LRRC4C: variants seen among roughly 807,000 people sequenced by gnomAD.
The protein encoded by LRRC4C is leucine-rich repeat-containing protein 4C.
In LRRC4C, 5 loss-of-function variants were observed where a neutral mutation model predicts 33.6. That is an observed-to-expected ratio of 0.15 (90% CI 0.08 to 0.31). The LOEUF is 0.31. LRRC4C is among the 10% of genes least tolerant of loss of function. The pLI is 1.00. For missense variants in LRRC4C, 560 were observed against 796.7 expected, an observed-to-expected ratio of 0.70 and a Z score of 3.58; for synonymous variants, 329 against 302.0, an observed-to-expected ratio of 1.09 and a Z score of -0.93.
intron 1 of LRRC4C, among the ~76,000 whole-genome samples, chr11:41,311,185 A>G (rs1407646689): frequency 6.6e-6 from 1 of 152,110 alleles, no homozygotes; most frequent in Non-Finnish European, 1.5e-5. Flanking sequence ...CGTGCATTAG[A>G]ACCACATTTT....
chr11:41,282,615 G>C (rs1366179528), intron 1 of LRRC4C, among the ~76,000 whole-genome samples: 2 of 152,142 alleles, frequency 1.3e-5, no homozygotes, highest in Non-Finnish European at 1.5e-5. Flanking sequence ...ATGTCTGCCC[G>C]GGGTGTGGAT....
intron 3 of LRRC4C, among the ~76,000 whole-genome samples, chr11:40,629,204 A>AAT (rs1963246519): frequency 6.6e-6 from 1 of 152,136 alleles, no homozygotes; most frequent in South Asian, 2.1e-4. Context: ...CTAATATTCA[A>AAT]TTTGTTGAAA....
At chr11:40,892,775 C>T (rs915702239) in intron 2 of LRRC4C, among the ~76,000 whole-genome samples, 47 of 152,154 alleles carry the variant, frequency 3.1e-4, no homozygotes, top group Admixed American at 9.8e-4. Flanking sequence ...AGGTTACCAG[C>T]GGCTGGGGGC....
chr11:40,424,444 A>G (rs1010182521), intron 3 of LRRC4C, among the ~76,000 whole-genome samples: 1 of 152,216 alleles, frequency 6.6e-6, no homozygotes, highest in African/African-American at 2.4e-5. Flanking sequence ...GCCTCATGAA[A>G]TAAGAATTGT....
intron 3 of LRRC4C, among the ~76,000 whole-genome samples, chr11:40,414,193 C>T (rs1950246183): frequency 6.6e-6 from 1 of 152,016 alleles, no homozygotes; most frequent in Non-Finnish European, 1.5e-5. Context: ...GACTGGATGG[C>T]TTCCTTTAAA....
intron 3 of LRRC4C, among the ~76,000 whole-genome samples, chr11:40,553,436 G>A (rs1183810850): frequency 6.6e-6 from 1 of 152,040 alleles, no homozygotes; most frequent in African/African-American, 2.4e-5. Flanking sequence ...GATTATTGAG[G>A]TAACATAATT....
chr11:41,036,838 A>G (rs866053961), intron 1 of LRRC4C, among the ~76,000 whole-genome samples: 2 of 152,232 alleles, frequency 1.3e-5, no homozygotes, highest in African/African-American at 4.8e-5. Flanking sequence ...ATACACAATT[A>G]GATTTTTCAC....
intron 1 of LRRC4C, among the ~76,000 whole-genome samples, chr11:41,306,037 A>AGAAAG (rs35648813): frequency 2.1e-5 from 3 of 144,830 alleles, no homozygotes; most frequent in Non-Finnish European, 4.5e-5. Flanking sequence ...AAAAAAAAAA[A>AGAAAG]AAAGAAAGAA....
At chr11:40,415,909 G>T (rs1032146355) in intron 3 of LRRC4C, among the ~76,000 whole-genome samples, 1 of 152,136 alleles carries the variant, frequency 6.6e-6, no homozygotes, top group African/African-American at 2.4e-5. Flanking sequence ...AAATGCATAC[G>T]CATGTATGAG....
At chr11:41,328,211 T>C (rs1401489579) in intron 1 of LRRC4C, among the ~76,000 whole-genome samples, 3 of 152,068 alleles carry the variant, frequency 2.0e-5, no homozygotes, top group East Asian at 1.9e-4. Context: ...AGTATTACAA[T>C]CTCTATAGGC....
chr11:40,533,877 T>C (rs1005080457), intron 3 of LRRC4C, among the ~76,000 whole-genome samples: 3 of 152,244 alleles, frequency 2.0e-5, no homozygotes, highest in East Asian at 1.9e-4. Context: ...TTTGAGACTC[T>C]CCTCCTTCAA....
chr11:41,103,089 C>T (rs1941293639), intron 1 of LRRC4C, among the ~76,000 whole-genome samples: 1 of 151,868 alleles, frequency 6.6e-6, no homozygotes, highest in African/African-American at 2.4e-5. Flanking sequence ...TATGTATACT[C>T]TACCATCTGA....
At chr11:41,454,239 A>G (rs1470317520) in intron 1 of LRRC4C, among the ~76,000 whole-genome samples, 1 of 152,152 alleles carries the variant, frequency 6.6e-6, no homozygotes, top group Non-Finnish European at 1.5e-5. Context: ...AAGGCTTTTT[A>G]CATCTTTTCT....
chr11:41,141,356 C>T (rs968854001), intron 1 of LRRC4C, among the ~76,000 whole-genome samples: 1 of 151,822 alleles, frequency 6.6e-6, no homozygotes, highest in Non-Finnish European at 1.5e-5. Flanking sequence ...ACACATAGAG[C>T]CCTGACTAAA....
intron 1 of LRRC4C, among the ~76,000 whole-genome samples, chr11:41,411,457 AC>A (rs1215097993): frequency 1.3e-5 from 2 of 151,958 alleles, no homozygotes; most frequent in Admixed American, 6.6e-5. Flanking sequence ...CTTGGTTGGT[AC>A]CCTATTGGAT....
At chr11:40,506,829 G>A (rs931894064) in intron 3 of LRRC4C, among the ~76,000 whole-genome samples, 13 of 151,922 alleles carry the variant, frequency 8.6e-5, no homozygotes, top group Non-Finnish European at 8.8e-5. Context: ...GAAACATTTA[G>A]AAAAATTTAT....
At chr11:41,047,128 T>C (rs1311078276) in intron 1 of LRRC4C, among the ~76,000 whole-genome samples, 2 of 152,094 alleles carry the variant, frequency 1.3e-5, no homozygotes, top group Non-Finnish European at 2.9e-5. Flanking sequence ...AATAAGGATC[T>C]TGAAGTCCAA....
At chr11:41,206,349 T>A (rs1488865005) in intron 1 of LRRC4C, among the ~76,000 whole-genome samples, 3 of 152,150 alleles carry the variant, frequency 2.0e-5, no homozygotes, top group African/African-American at 4.8e-5. Flanking sequence ...TAGGATATCT[T>A]CTGAAAAATT....
At chr11:40,556,095 CT>C (rs1957322932) in intron 3 of LRRC4C, among the ~76,000 whole-genome samples, 1 of 152,098 alleles carries the variant, frequency 6.6e-6, no homozygotes, top group Admixed American at 6.5e-5. Flanking sequence ...GATTTATCAT[CT>C]CCATAATAAG....
Sources: gnomAD v4.1 joint callset for allele counts (sites outside exome capture counted in the v4.1 genomes callset) on GRCh38, gnomAD v4.1.1 for gene constraint, MANE v1.5 for transcripts, NCBI Gene and HGNC (gene_info 2026-07-23, HGNC 2026-07-21) for gene names.